SYN3: variants seen among roughly 807,000 people sequenced by gnomAD.
The protein encoded by SYN3 is synapsin-3.
SYN3 carries 35 observed loss-of-function variants against 65.8 expected under a neutral mutation model. That is an observed-to-expected ratio of 0.53 (90% CI 0.41 to 0.70). The LOEUF (loss-of-function observed/expected upper bound fraction) is 0.70. Among genes scored for constraint, SYN3 ranks in the 30% least tolerant of loss-of-function variants. SYN3 has a pLI of 0.00. For missense variants in SYN3, 680 were observed against 749.0 expected (o/e 0.91, Z 1.08); for synonymous variants, 270 against 292.9 (o/e 0.92, Z 0.80).
At chr22:32,869,615 A>G (rs1036130950) in intron 4 of SYN3, among the ~76,000 whole-genome samples, 45 of 151,718 alleles carry the variant, frequency 3.0e-4, no homozygotes, top group Non-Finnish European at 5.2e-4. Context: ...GCAGAGAGGC[A>G]GCAGGGCCAG....
chr22:33,010,123 T>C (rs1019487861), intron 1 of SYN3, among the ~76,000 whole-genome samples: 6 of 152,034 alleles, frequency 3.9e-5, no homozygotes, highest in Non-Finnish European at 8.8e-5. Context: ...TCCCAGCTAC[T>C]TGGGAGGCTG....
At chr22:32,873,652 T>C (rs1010203156) in intron 4 of SYN3, among the ~76,000 whole-genome samples, 2 of 152,206 alleles carry the variant, frequency 1.3e-5, no homozygotes, top group Admixed American at 6.5e-5. Flanking sequence ...AAAATGGGCC[T>C]GTGAGAAAAT....
chr22:33,039,761 C>T (rs1485234025), intron 1 of SYN3, among the ~76,000 whole-genome samples: 1 of 152,088 alleles, frequency 6.6e-6, no homozygotes, highest in Non-Finnish European at 1.5e-5. Context: ...CTCTCTCTTT[C>T]CCTGTATTTT....
chr22:32,713,395 G>A (rs2060991190), intron 6 of SYN3, among the ~76,000 whole-genome samples: 1 of 152,176 alleles, frequency 6.6e-6, no homozygotes, highest in Non-Finnish European at 1.5e-5. Context: ...CACTTTCAGA[G>A]GCTTGCTTTG....
chr22:33,054,419 A>T (rs2054222610), intron 1 of SYN3, among the ~76,000 whole-genome samples: 1 of 152,222 alleles, frequency 6.6e-6, no homozygotes, highest in South Asian at 2.1e-4. Context: ...TGAAATTTAC[A>T]TAACTAAAAG....
intron 6 of SYN3, among the ~76,000 whole-genome samples, chr22:32,778,121 A>G (rs1189946963): frequency 1.3e-5 from 2 of 152,218 alleles, no homozygotes; most frequent in Non-Finnish European, 2.9e-5. Context: ...GGTTTGATAA[A>G]CAACATCTCA....
At chr22:32,949,092 T>G (rs28780765) in intron 3 of SYN3, among the ~76,000 whole-genome samples, 3,396 of 152,232 alleles carry the variant, frequency 0.022, 129 homozygotes, top group African/African-American at 0.078. Flanking sequence ...AGTGAGCATT[T>G]CCTTTGAGCA....
At chr22:32,648,460 A>G (rs1010488944) in intron 6 of SYN3, among the ~76,000 whole-genome samples, 1 of 152,216 alleles carries the variant, frequency 6.6e-6, no homozygotes, top group Non-Finnish European at 1.5e-5. Context: ...ACAGTACATA[A>G]ATATGGTAAA....
chr22:33,000,979 G>A (rs748917775), intron 2 of SYN3, among the ~76,000 whole-genome samples: 3 of 152,172 alleles, frequency 2.0e-5, no homozygotes, highest in Non-Finnish European at 2.9e-5. Context: ...GGAGAAAGCC[G>A]GGAAAGTGTT....
At chr22:32,656,331 A>G (rs1271288873) in intron 6 of SYN3, among the ~76,000 whole-genome samples, 4 of 152,184 alleles carry the variant, frequency 2.6e-5, no homozygotes, top group Non-Finnish European at 4.4e-5. Context: ...ATAAATTGGG[A>G]AAAATAACAT....
At chr22:32,687,370 G>A (rs992672707) in intron 6 of SYN3, among the ~76,000 whole-genome samples, 13 of 151,146 alleles carry the variant, frequency 8.6e-5, no homozygotes, top group East Asian at 3.9e-4. Flanking sequence ...CACCATGTTC[G>A]CCAGGCTAGT....
chr22:32,661,783 T>TA (rs1367560078), intron 6 of SYN3, among the ~76,000 whole-genome samples: 3 of 152,120 alleles, frequency 2.0e-5, no homozygotes, highest in African/African-American at 7.2e-5. Flanking sequence ...GGAGAAAACT[T>TA]AGAGTATGTC....
intron 6 of SYN3, among the ~76,000 whole-genome samples, chr22:32,856,288 G>C (rs540551035): frequency 3.9e-5 from 6 of 152,114 alleles, no homozygotes; most frequent in Non-Finnish European, 7.4e-5. Flanking sequence ...ATGTGTAGCC[G>C]AAGGAGTGTT....
chr22:32,822,925 AC>A (rs1569252572), intron 6 of SYN3, among the ~76,000 whole-genome samples: 156 of 63,786 alleles, frequency 2.4e-3, no homozygotes, highest in Middle Eastern at 0.01. Flanking sequence ...AACAACAACA[AC>A]AACAAAAAAA....
chr22:32,782,838 A>G (rs2046104141), intron 6 of SYN3, among the ~76,000 whole-genome samples: 1 of 152,208 alleles, frequency 6.6e-6, no homozygotes, highest in Non-Finnish European at 1.5e-5. Context: ...ATTGTAGCAG[A>G]GGATTTGGCT....
At chr22:33,054,969 T>C (rs1048102168) in intron 1 of SYN3, among the ~76,000 whole-genome samples, 9 of 152,180 alleles carry the variant, frequency 5.9e-5, no homozygotes, top group Non-Finnish European at 1.5e-5. Context: ...CAAACCCTTT[T>C]ACTTTTCTCC....
chr22:32,686,073 A>G (rs980814163), intron 6 of SYN3, among the ~76,000 whole-genome samples: 12 of 152,306 alleles, frequency 7.9e-5, no homozygotes, highest in Middle Eastern at 6.8e-3. Context: ...GAATTACAAG[A>G]GGCTTTTATA....
chr22:32,881,491 A>G (rs2049135486), intron 4 of SYN3, among the ~76,000 whole-genome samples: 1 of 152,148 alleles, frequency 6.6e-6, no homozygotes, highest in Non-Finnish European at 1.5e-5. Context: ...CTGCTTCCTC[A>G]GTGCAAGACT....
At chr22:32,865,412 G>C (rs12158960) in intron 5 of SYN3, among the ~76,000 whole-genome samples, 2,435 of 152,192 alleles carry the variant, frequency 0.016, 28 homozygotes, top group Middle Eastern at 0.041. Flanking sequence ...CAGCCTTCCT[G>C]GGTTCAAATT....
Sources: gnomAD v4.1 joint callset for allele counts (sites outside exome capture counted in the v4.1 genomes callset) on GRCh38, gnomAD v4.1.1 for gene constraint, MANE v1.5 for transcripts, NCBI Gene and HGNC (gene_info 2026-07-23, HGNC 2026-07-21) for gene names.